The following PAPPA variants were observed in gnomAD, a reference collection of about 807,000 sequenced individuals.
The protein encoded by PAPPA is pappalysin 1.
In PAPPA, 60 loss-of-function variants were observed where a neutral mutation model predicts 164.0. That is an observed-to-expected ratio of 0.37 (90% CI 0.30 to 0.45). The LOEUF (loss-of-function observed/expected upper bound fraction) is 0.45, where lower values mean the gene tolerates loss of function less well. Ranked by LOEUF, PAPPA falls within the 20% of genes least tolerant of loss-of-function variation. The probability of loss-of-function intolerance (pLI) is 1.00; values close to 1 mark genes in which losing one functional copy is unlikely to be tolerated. For synonymous variants in PAPPA, 875 were observed against 814.1 expected (o/e 1.07, Z -1.27); for missense variants, 1,782 against 2,087.3 (o/e 0.85, Z 2.85).
chr9:116,174,668 G>A (rs1843811254), intron 1 of PAPPA, among the ~76,000 whole-genome samples: 1 of 151,904 alleles, frequency 6.6e-6, no homozygotes, highest in South Asian at 2.1e-4. Context: ...TACAAAAATG[G>A]ATTAATTCTT....
rs1049150650 is a variant in PAPPA at position 116,359,841 on chromosome 9, T to C, written c.4348-2751T>C. Among the ~76,000 whole-genome samples the C allele has an allele frequency of 2.6e-5, 4 of 152,340 alleles. No individual in the cohort carries two copies. The South Asian group carries it at 8.3e-4, about 32-fold the overall frequency. ...TAGAAATGTCATCTGGATTCCATTG[T>C]AGAAGCCCTGAAGTGCCAACCTACC... is the stretch of plus-strand genomic sequence containing the variant. On this transcript the variant is annotated intron_variant, in intron 17 of 21. Transcript: ENST00000328252.
chr9:116,309,163 C>A (rs551798380), intron 10 of PAPPA, among the ~76,000 whole-genome samples: 30 of 152,010 alleles, frequency 2.0e-4, no homozygotes, highest in Admixed American at 1.8e-3. Flanking sequence ...GCAGCCTCCA[C>A]CTCCCAGGTT....
intron 1 of PAPPA, among the ~76,000 whole-genome samples, chr9:116,163,346 C>T (rs1469762054): frequency 1.3e-5 from 2 of 152,144 alleles, no homozygotes; most frequent in Non-Finnish European, 2.9e-5. Context: ...GGGAGGCCAT[C>T]ATCAGAGTAG....
chr9:116,363,851 T>G (rs1053463032), intron 18 of PAPPA, among the ~76,000 whole-genome samples: 8 of 152,184 alleles, frequency 5.3e-5, no homozygotes. Context: ...TGAAAACACA[T>G]GCCCTCAGAT....
chr9:116,200,590 T>A (rs1844161265), intron 2 of PAPPA, among the ~76,000 whole-genome samples: 1 of 152,220 alleles, frequency 6.6e-6, no homozygotes, highest in African/African-American at 2.4e-5. Context: ...TGTAGTAAAC[T>A]TTCCCAAATG....
At chr9:116,356,335 A>G (rs1352246564) in intron 17 of PAPPA, among the ~76,000 whole-genome samples, 3 of 151,688 alleles carry the variant, frequency 2.0e-5, no homozygotes, top group Non-Finnish European at 2.9e-5. Flanking sequence ...AAATGAGGTA[A>G]TGAAAATAGA....
chr9:116,154,571 T>C lies in PAPPA; in HGVS notation c.399T>C (p.Ser133=). Reference sequence around the variant, plus strand: ...TGCGAGCGGAGGGGGGCCAGAGGTCTCCGGCAGTGATCACAGGTAGGTGAG... The same window carrying C: ...TGCGAGCGGAGGGGGGCCAGAGGTCCCCGGCAGTGATCACAGGTAGGTGAG... The part of the protein sequence containing the change: ...VWLRAEGGQR[S]PAVITGLYDK... The change falls in exon 1 of 22, where the codon TCT becomes TCC. Residue 133 remains serine, a synonymous_variant. Coordinates refer to ENST00000328252, the MANE Select transcript of PAPPA (RefSeq NM_002581.5). This position sits in a 1 kb window ranked among gnomAD's most constrained non-coding sequence, Gnocchi z 5.2. 7.2e-7 allele frequency: 1 copy of C among 1,392,356 alleles called. No homozygotes were observed. Among genetic ancestry groups the C allele is most frequent in the South Asian group, 1.6e-5 (1 of 63,874 alleles). The allele number at this position is 1,392,356 out of a possible 1,614,324, so 86.3% of individuals were successfully genotyped here.
chr9:116,242,302 G>C (rs1474166679), intron 7 of PAPPA, among the ~76,000 whole-genome samples: 1 of 152,050 alleles, frequency 6.6e-6, no homozygotes, highest in African/African-American at 2.4e-5. Context: ...CATTGAAGAA[G>C]TTCACCACAG....
At position 116,353,846 on chromosome 9, in the gene PAPPA, A is replaced by C. The variant is rs1014007274; in HGVS notation, c.4347+53A>C. ...ACCATGGTCCCTTTCCTTTCTGCTT[A>C]CCAAAAACTAGCCTGTACTTCAGGA... On this transcript the variant is annotated intron_variant, in intron 17 of 21. Transcript: ENST00000328252. 19 of 1,413,942 alleles carry C rather than the reference A, an allele frequency of 1.3e-5. No individual in the cohort carries two copies. In the African/African-American group the frequency reaches 2.7e-4, roughly 20 times the overall value. The allele number at this position is 1,413,942 out of a possible 1,614,324, so 87.6% of individuals were successfully genotyped here. A position where few individuals can be genotyped will look rare whatever the true frequency, so the allele number is the denominator to read the frequency against.
At chr9:116,178,096 TTTTG>T (rs1291927914) in intron 1 of PAPPA, among the ~76,000 whole-genome samples, 2 of 152,136 alleles carry the variant, frequency 1.3e-5, no homozygotes, top group African/African-American at 2.4e-5. Context: ...AGATATTATT[TTTTG>T]TTTGTTTGTT....
intron 1 of PAPPA, among the ~76,000 whole-genome samples, chr9:116,161,227 C>T (rs1024097915): frequency 6.6e-5 from 10 of 152,212 alleles, no homozygotes; most frequent in Admixed American, 2.0e-4. Context: ...CCTGTGACCT[C>T]ACTGGAGTTC....
At chr9:116,244,214 G>A (rs972310696) in intron 7 of PAPPA, among the ~76,000 whole-genome samples, 1 of 152,122 alleles carries the variant, frequency 6.6e-6, no homozygotes, top group Non-Finnish European at 1.5e-5. Context: ...TTTTGAAAGG[G>A]TGAAGGGCTC....
At chr9:116,221,898 G>C (rs930975735) in intron 5 of PAPPA, among the ~76,000 whole-genome samples, 1 of 152,084 alleles carries the variant, frequency 6.6e-6, no homozygotes, top group African/African-American at 2.4e-5. Flanking sequence ...TCAGGAAAAG[G>C]CAAATTAAAA....
chr9:116,281,708 C>T (rs1845269486), intron 9 of PAPPA, among the ~76,000 whole-genome samples: 1 of 152,142 alleles, frequency 6.6e-6, no homozygotes, highest in African/African-American at 2.4e-5. Context: ...CACAACAGAG[C>T]CCCCAAATGT....
At position 116,235,269 on chromosome 9, in the gene PAPPA, C is replaced by G; in HGVS notation, c.2364C>G (p.Leu788=). The part of the protein sequence containing the change: ...PQGCYLELEF[L]YPLVPESLTI... ...GCTGCTACCTCGAGCTGGAGTTCCT[C>G]TACCCCTTGGTCCCTGAGTCTCTGA... The change falls in exon 7 of 22, where the codon CTC becomes CTG. Residue 788 remains leucine (L), a synonymous_variant. Coordinates refer to ENST00000328252, the MANE Select transcript of PAPPA (RefSeq NM_002581.5). 1 of 1,614,186 alleles carries G rather than the reference C, an allele frequency of 6.2e-7. No homozygotes were observed. The highest frequency in any genetic ancestry group is 8.5e-7 in the Non-Finnish European group (1 of 1,180,016).
Position 116,207,543 on chromosome 9 carries a change from G to A in PAPPA, c.1566G>A (p.Glu522=). 6.2e-7 allele frequency: 1 copy of A among 1,613,484 alleles called. No individual in the cohort carries two copies. Among genetic ancestry groups the A allele is most frequent in the Non-Finnish European group, 8.5e-7 (1 of 1,179,558 alleles). ...HLNIFFAKSS[E]EELAGVATWP... is the part of the protein sequence containing the mutation. ...ATATTTTCTTTGCAAAATCCTCAGAGGAGGAGTTGGCAGGAGTAGCAACTT... is the reference window on the plus strand; with the variant it reads ...ATATTTTCTTTGCAAAATCCTCAGAAGAGGAGTTGGCAGGAGTAGCAACTT... The change falls in exon 3 of 22, where the codon GAG becomes GAA. Residue 522 remains glutamate, a synonymous_variant. Coordinates refer to ENST00000328252, the MANE Select transcript of PAPPA (RefSeq NM_002581.5).
chr9:116,297,636 T>C (rs1265134766), intron 9 of PAPPA, among the ~76,000 whole-genome samples: 1 of 152,236 alleles, frequency 6.6e-6, no homozygotes, highest in Non-Finnish European at 1.5e-5. Context: ...CTTTAGGTTG[T>C]TACTTTTTTC....
chr9:116,357,827 C>A (rs977426258), intron 17 of PAPPA, among the ~76,000 whole-genome samples: 1 of 152,140 alleles, frequency 6.6e-6, no homozygotes, highest in Admixed American at 6.5e-5. Flanking sequence ...GCTAGAGGTG[C>A]TTTGTGGGCA....
rs200920339 is a variant in PAPPA, at chr9:116,235,606, A to G, written c.2701A>G (p.Ile901Val). ...TCCTCTCCAGATGGATGTGGCCTCC[A>G]TCCTACATCTCAATAGGAAATTCGT... ...DPPLQMDVASILHLNRKFVDM... is the reference protein window; with the variant it reads ...DPPLQMDVASVLHLNRKFVDM... Residue 901 changes from isoleucine (I) to valine (V), a missense_variant, in exon 7 of 22, where the codon ATC becomes GTC. Physicochemically the swap from Ile to Val is conservative, Grantham distance 29 (BLOSUM62 3). Transcript: ENST00000328252. 1.3e-5 allele frequency: 21 copies of G among 1,613,364 alleles called. No homozygotes were observed. The highest frequency in any genetic ancestry group is 2.2e-5 in the East Asian group (1 of 44,874).
Sources: allele counts gnomAD v4.1 joint callset (sites outside exome capture counted in the v4.1 genomes callset), GRCh38; gene constraint gnomAD v4.1.1; non-coding constraint Gnocchi (gnomAD v3.1); transcripts MANE v1.5; gene names NCBI Gene and HGNC (gene_info 2026-07-23, HGNC 2026-07-21).